SAMD4A: variants seen among roughly 807,000 people sequenced by gnomAD.
SAMD4A encodes the protein protein Smaug homolog 1.
Under a neutral mutation model 81.3 loss-of-function variants are expected in SAMD4A, and 33 were observed. The ratio of observed to expected loss-of-function variants is 0.41; its 90% CI spans 0.31 to 0.54. The LOEUF (loss-of-function observed/expected upper bound fraction) is 0.54. Ranked by LOEUF, SAMD4A falls within the 20% of genes least tolerant of loss-of-function variation. The pLI is 0.37. For missense variants in SAMD4A, 854 were observed against 951.1 expected (o/e 0.90, Z 1.34); for synonymous variants, 389 against 382.1 (o/e 1.02, Z -0.21).
intron 2 of SAMD4A, among the ~76,000 whole-genome samples, chr14:54,663,622 G>A (rs1186928124): frequency 6.6e-6 from 1 of 152,142 alleles, no homozygotes; most frequent in African/African-American, 2.4e-5. Flanking sequence ...CAAAAACTGA[G>A]CAAACAAAAT....
chr14:54,732,551 T>C (rs1327765459), intron 3 of SAMD4A, among the ~76,000 whole-genome samples: 1 of 152,184 alleles, frequency 6.6e-6, no homozygotes, highest in African/African-American at 2.4e-5. Flanking sequence ...TTAAAAATTA[T>C]GCTTTAAATA....
Position 54,636,242 on chromosome 14 carries a change from A to G in SAMD4A, c.197-65820A>G, listed in dbSNP as rs187509582. 7.2e-4 allele frequency among the ~76,000 whole-genome samples: 110 copies of G among 152,250 alleles called. 2 individuals are homozygous for G. The East Asian group carries it at 0.011, about 15-fold the overall frequency. On this transcript the variant is annotated intron_variant, in intron 2 of 12. Coordinates refer to ENST00000554335, the MANE Select transcript of SAMD4A (RefSeq NM_015589.6). ...GGGAAGGTTGTTTCATGCACTGGGA[A>G]CGGCCATTACAAAAGCCCTTAGGTT...
intron 2 of SAMD4A, among the ~76,000 whole-genome samples, chr14:54,698,308 T>C (rs2036625055): frequency 6.6e-6 from 1 of 152,242 alleles, no homozygotes; most frequent in Non-Finnish European, 1.5e-5. Context: ...TGTAATTCTG[T>C]ATCATATAAC....
chr14:54,735,995 G>A (rs897756224), intron 3 of SAMD4A, among the ~76,000 whole-genome samples: 1 of 152,176 alleles, frequency 6.6e-6, no homozygotes, highest in African/African-American at 2.4e-5. Flanking sequence ...TAGTACAGCA[G>A]CAGTCAAAAT....
chr14:54,739,055 CTTTTTTTTT>C (rs3051648), intron 4 of SAMD4A, among the ~76,000 whole-genome samples: 2 of 97,346 alleles, frequency 2.1e-5, no homozygotes, highest in Non-Finnish European at 3.6e-5. Flanking sequence ...CTTTCCTTTT[CTTTTTTTTT>C]TTTTTTTTTT....
In SAMD4A at chr14:54,775,141, T is replaced by C. The variant is rs1210046779; in HGVS notation, c.1917+6T>C. 10 of 1,614,206 alleles carry C rather than the reference T, an allele frequency of 6.2e-6. No homozygotes were observed. Among genetic ancestry groups the C allele is most frequent in the Non-Finnish European group, 8.5e-6 (10 of 1,180,028 alleles). ...TCATGAAACAAGGAAGACAGGTTTG[T>C]TCTGCCCCAAGGAAGGAGGAGGATG... is the stretch of plus-strand genomic sequence containing the variant. On this transcript the variant is annotated splice_donor_region_variant and intron_variant, in intron 10 of 12. Transcript: ENST00000554335.
chr14:54,782,333 GT>G (rs560362758), intron 11 of SAMD4A, among the ~76,000 whole-genome samples: 137 of 143,380 alleles, frequency 9.6e-4, no homozygotes, highest in African/African-American at 1.7e-3. Context: ...GCTGAGGTTT[GT>G]TTTTTTTTTT....
At chr14:54,706,433 T>C (rs2036859211) in intron 3 of SAMD4A, among the ~76,000 whole-genome samples, 2 of 151,736 alleles carry the variant, frequency 1.3e-5, no homozygotes, top group Non-Finnish European at 2.9e-5. Flanking sequence ...GGTGAAACCC[T>C]ATCTCTACTA....
chr14:54,741,460 C>T (rs1271629329), intron 4 of SAMD4A, among the ~76,000 whole-genome samples: 1 of 152,212 alleles, frequency 6.6e-6, no homozygotes, highest in Non-Finnish European at 1.5e-5. Context: ...GGAAAAGACT[C>T]ATTCACAGGT....
intron 2 of SAMD4A, among the ~76,000 whole-genome samples, chr14:54,638,520 T>C (rs1364211665): frequency 6.6e-6 from 1 of 152,222 alleles, no homozygotes; most frequent in Non-Finnish European, 1.5e-5. Context: ...AAAAGAGAAG[T>C]TATGATAAAT....
At chr14:54,740,786 G>T (rs2140941112) in intron 4 of SAMD4A, among the ~76,000 whole-genome samples, 1 of 152,286 alleles carries the variant, frequency 6.6e-6, no homozygotes, top group African/African-American at 2.4e-5. Flanking sequence ...AAGCAGACCA[G>T]CTCCTACTCT....
rs1452813068 is a variant in SAMD4A, at chr14:54,784,601, G to A, written c.2109G>A (p.Met703Ile). 1.2e-6 allele frequency: 2 copies of A among 1,613,984 alleles called. No individual in the cohort carries two copies. Reference protein sequence around the residue: ...NNRLESLCLSMTEHALGDGVD... With the variant: ...NNRLESLCLSITEHALGDGVD... ...GGCTGGAGTCGTTGTGCCTCAGTAT[G>A]ACCGAACACGCCCTGGGAGGTGAGT... The change falls in exon 12 of 13, where the codon ATG becomes ATA. Residue 703 changes from methionine (M) to isoleucine (I), a missense_variant. Physicochemically the swap from Met to Ile is conservative, Grantham distance 10. Coordinates refer to ENST00000554335, the MANE Select transcript of SAMD4A (RefSeq NM_015589.6).
At chr14:54,781,018 C>T (rs1419088949) in intron 11 of SAMD4A, among the ~76,000 whole-genome samples, 1 of 152,158 alleles carries the variant, frequency 6.6e-6, no homozygotes, top group Admixed American at 6.5e-5. Context: ...CATCTCATCA[C>T]AGCAGACCAG....
chr14:54,611,395 C>A (rs2034351459), intron 2 of SAMD4A, among the ~76,000 whole-genome samples: 1 of 152,186 alleles, frequency 6.6e-6, no homozygotes, highest in Admixed American at 6.5e-5. Flanking sequence ...ATTCCTTGGG[C>A]AGCTCCAGAT....
At chr14:54,685,281 C>G (rs34403787) in intron 2 of SAMD4A, among the ~76,000 whole-genome samples, 62 of 134,526 alleles carry the variant, frequency 4.6e-4, no homozygotes, top group African/African-American at 1.5e-3. Context: ...CCTGCCCCCC[C>G]CCCCAGCTCC....
rs138792271 is a variant in SAMD4A at position 54,681,455 on chromosome 14, G to A, written c.197-20607G>A. On this transcript the variant is annotated intron_variant, in intron 2 of 12. Transcript: ENST00000554335. The stretch of plus-strand genomic sequence containing the variant: ...TATTTATTTTTCTTTTTGGAGATGC[G>A]GACTCGCTCTGTTACCCAGGCTGGA... Among the ~76,000 whole-genome samples the A allele has an allele frequency of 4.2e-3, 646 of 152,084 alleles. 2 individuals carry two copies. Among genetic ancestry groups the A allele is most frequent in the African/African-American group, 7.7e-3 (318 of 41,480 alleles).
chr14:54,723,829 A>G (rs1313308763), intron 3 of SAMD4A, among the ~76,000 whole-genome samples: 4 of 152,218 alleles, frequency 2.6e-5, no homozygotes, highest in Non-Finnish European at 4.4e-5. Flanking sequence ...TGTTCATTAC[A>G]TGAGTGAATA....
chr14:54,765,407 G>A (rs555520621), intron 8 of SAMD4A, among the ~76,000 whole-genome samples: 2 of 150,892 alleles, frequency 1.3e-5, no homozygotes, highest in Non-Finnish European at 2.9e-5. Context: ...AGGATCACTC[G>A]AGGCCAGGAG....
rs12891817 is a variant in SAMD4A at position 54,785,633 on chromosome 14, C to A, written c.2128+1013C>A. Among the ~76,000 whole-genome samples, 27 of 152,342 alleles carry A rather than the reference C, an allele frequency of 1.8e-4. No homozygotes were observed. In the East Asian group the frequency reaches 4.0e-3, roughly 23 times the overall value. On this transcript the variant is annotated intron_variant, in intron 12 of 12. Transcript: ENST00000554335. ...TCTGCACACCTAGAGCCAAGACGTG[C>A]GCCACCTGGCAGTGGTGGGGAAAAG...
Sources: allele counts gnomAD v4.1 joint callset (sites outside exome capture counted in the v4.1 genomes callset), GRCh38; gene constraint gnomAD v4.1.1; transcripts MANE v1.5; gene names NCBI Gene and HGNC (gene_info 2026-07-23, HGNC 2026-07-21).